Variants in MYPN observed in about 807,000 individuals in gnomAD.
MYPN encodes the protein myopalladin, also known as sarcomeric protein myopalladin, 145 kDa (MYOP).
MYPN carries 63 observed loss-of-function variants against 129.4 expected under a neutral mutation model. The ratio of observed to expected loss-of-function variants is 0.49; its 90% CI spans 0.40 to 0.60. The LOEUF is 0.60. Ranked by LOEUF, MYPN falls within the 20% of genes least tolerant of loss-of-function variation. The pLI is 0.00. For synonymous variants in MYPN, 629 were observed against 600.9 expected (o/e 1.05, Z -0.68); for missense variants, 1,596 against 1,635.4 (o/e 0.98, Z 0.42).
chr10:68,161,978 C>A, intron 8 of MYPN: 1 of 356,254 alleles, frequency 2.8e-6, no homozygotes. Context: ...GCCTGGCCTA[C>A]ATGACAAAAT....
chr10:68,163,354 C>T (rs55968894), intron 8 of MYPN, among the ~76,000 whole-genome samples: 6,829 of 151,870 alleles, frequency 0.045, 195 homozygotes, highest in Middle Eastern at 0.068. Context: ...CAGCTGGGTG[C>T]GGTGGCTCAC....
chr10:68,160,203 G>A (rs190405923), intron 7 of MYPN, among the ~76,000 whole-genome samples: 8 of 151,844 alleles, frequency 5.3e-5, no homozygotes, highest in East Asian at 1.9e-4. Flanking sequence ...ACTTGAGGTC[G>A]GTAGTTTGAG....
At chr10:68,156,307 G>C (rs550604044) in intron 6 of MYPN, among the ~76,000 whole-genome samples, 1 of 152,252 alleles carries the variant, frequency 6.6e-6, no homozygotes, top group East Asian at 1.9e-4. Flanking sequence ...GCTGCCATTT[G>C]AGCACACAAT....
intron 10 of MYPN, among the ~76,000 whole-genome samples, chr10:68,169,181 T>TAA (rs59317396): frequency 0.011 from 1,000 of 90,994 alleles, 48 homozygotes; most frequent in African/African-American, 0.062. Context: ...CCGTCTCTAC[T>TAA]AAAAAAAAAA....
chr10:68,158,312 C>G (rs2042915572), intron 6 of MYPN, 174 bp from the exon 7 acceptor site: 3 of 637,840 alleles, frequency 4.7e-6, no homozygotes, highest in Admixed American at 2.8e-5. Flanking sequence ...TCCAAACAAG[C>G]TCTCAAAACT....
At chr10:68,117,224 TAA>T (rs56780246) in intron 1 of MYPN, among the ~76,000 whole-genome samples, 19 of 126,030 alleles carry the variant, frequency 1.5e-4, no homozygotes, top group Middle Eastern at 4.5e-3. Context: ...AACTCTGTCT[TAA>T]AAAAAAAAAA....
At chr10:68,179,998 T>A (rs965363660) in intron 12 of MYPN, among the ~76,000 whole-genome samples, 3 of 152,228 alleles carry the variant, frequency 2.0e-5, no homozygotes, top group Non-Finnish European at 4.4e-5. Flanking sequence ...TGAAAGTATT[T>A]TTAGGTAAGC....
intron 4 of MYPN, 77 bp from the exon 5 acceptor site, chr10:68,148,276 A>T (rs769908992): frequency 1.0e-5 from 12 of 1,155,574 alleles, no homozygotes; most frequent in African/African-American, 1.6e-5. Context: ...CAGTGATGCC[A>T]TTACTAGTTT....
At chr10:68,180,590 T>G (rs939476675) in intron 12 of MYPN, among the ~76,000 whole-genome samples, 2 of 152,256 alleles carry the variant, frequency 1.3e-5, no homozygotes, top group African/African-American at 4.8e-5. Context: ...TTTCTTTTAC[T>G]GCACATCATA....
intron 2 of MYPN, among the ~76,000 whole-genome samples, chr10:68,135,098 C>T (rs537806299): frequency 3.3e-5 from 5 of 151,912 alleles, no homozygotes; most frequent in South Asian, 4.2e-4. Flanking sequence ...ATTACAGGCA[C>T]GCGCTACCAT....
At chr10:68,130,990 T>C (rs1214147593) in intron 2 of MYPN, among the ~76,000 whole-genome samples, 1 of 152,214 alleles carries the variant, frequency 6.6e-6, no homozygotes, top group Non-Finnish European at 1.5e-5. Flanking sequence ...CTCGCTATAA[T>C]AGGCTTTTCA....
intron 12 of MYPN, among the ~76,000 whole-genome samples, chr10:68,176,715 C>G (rs1417622442): frequency 2.0e-5 from 3 of 152,178 alleles, no homozygotes; most frequent in African/African-American, 7.2e-5. Context: ...CAAATTTCAT[C>G]TATTTCTGGG....
intron 10 of MYPN, among the ~76,000 whole-genome samples, chr10:68,171,146 C>A (rs1309304544): frequency 5.1e-4 from 68 of 132,804 alleles, no homozygotes; most frequent in Admixed American, 8.6e-4. Context: ...AAGACTCTGT[C>A]AAAAAAAAAA....
intron 10 of MYPN, among the ~76,000 whole-genome samples, chr10:68,168,513 T>G (rs1213837282): frequency 1.3e-5 from 2 of 152,310 alleles, no homozygotes; most frequent in Middle Eastern, 3.4e-3. Context: ...CCTGAGAAAG[T>G]GCACCCAAGG....
intron 13 of MYPN, among the ~76,000 whole-genome samples, chr10:68,192,632 A>C (rs1589605587): frequency 6.6e-6 from 1 of 152,266 alleles, no homozygotes; most frequent in South Asian, 2.1e-4. Flanking sequence ...CAGTGAATCC[A>C]TTAGGCCCTG....
intron 2 of MYPN, chr10:68,136,843 G>A (rs1013157622): frequency 4.1e-5 from 49 of 1,185,512 alleles, no homozygotes; most frequent in Non-Finnish European, 5.5e-5. Flanking sequence ...AGTTAATAGA[G>A]TTACATTGCT....
chr10:68,121,510 C>T lies in MYPN; in HGVS notation c.72C>T (p.Thr24=). 6.2e-7 allele frequency: 1 copy of T among 1,614,144 alleles called. No individual in the cohort carries two copies. The highest frequency in any genetic ancestry group is 8.5e-7 in the Non-Finnish European group (1 of 1,180,020). ...QLLRESYLAE[T]RHRGNNERSR... ...TAAGAGAGAGCTATTTAGCTGAAAC[C>T]AGACATCGGGGAAACAATGAGAGGA... Residue 24 remains threonine (T), a synonymous_variant, in exon 2 of 20, where the codon ACC becomes ACT. Transcript: ENST00000358913.
chr10:68,177,276 C>G (rs12248900), intron 12 of MYPN, among the ~76,000 whole-genome samples: 1,982 of 152,296 alleles, frequency 0.013, 49 homozygotes, highest in African/African-American at 0.046. Context: ...ATCGCAGGAA[C>G]TAGGAAAGTC....
chr10:68,092,232 T>C (rs1396733740), intron 1 of MYPN, among the ~76,000 whole-genome samples: 2 of 152,194 alleles, frequency 1.3e-5, no homozygotes, highest in East Asian at 1.9e-4. Context: ...GGCTCACACC[T>C]GTAATCCCAG....
Sources: allele counts gnomAD v4.1 joint callset (sites outside exome capture counted in the v4.1 genomes callset), GRCh38; gene constraint gnomAD v4.1.1; transcripts MANE v1.5; gene names NCBI Gene and HGNC (gene_info 2026-07-23, HGNC 2026-07-21).